Variants in PDE4D observed in about 807,000 individuals in gnomAD.
The protein encoded by PDE4D is 3',5'-cyclic-AMP phosphodiesterase 4D.
Under a neutral mutation model 87.4 loss-of-function variants are expected in PDE4D, and 24 were observed. The ratio of observed to expected loss-of-function variants is 0.27; its 90% CI spans 0.20 to 0.39. The LOEUF is 0.39. PDE4D is among the 10% of genes least tolerant of loss of function. PDE4D has a pLI of 1.00. For missense variants in PDE4D, 714 were observed against 1,041.0 expected (o/e 0.69, Z 4.32); for synonymous variants, 384 against 383.2 (o/e 1.00, Z -0.02).
At chr5:59,239,202 C>T (rs1261205109) in intron 1 of PDE4D, among the ~76,000 whole-genome samples, 1 of 152,186 alleles carries the variant, frequency 6.6e-6, no homozygotes, top group Non-Finnish European at 1.5e-5. Context: ...ATGCCTTCTC[C>T]TGAAGCTTCA....
At chr5:59,132,152 A>G (rs1421833612) in intron 5 of PDE4D, among the ~76,000 whole-genome samples, 2 of 152,312 alleles carry the variant, frequency 1.3e-5, no homozygotes, top group East Asian at 3.9e-4. Flanking sequence ...AAGTTTAATA[A>G]TATACATTAT....
chr5:60,148,961 G>A lies in PDE4D; in HGVS notation c.42+36596C>T, dbSNP rs185402479. Among the ~76,000 whole-genome samples, 397 of 152,284 alleles carry A rather than the reference G, an allele frequency of 2.6e-3. 3 individuals carry two copies. The highest frequency in any genetic ancestry group is 9.1e-3 in the African/African-American group (378 of 41,564). On this transcript the variant is annotated intron_variant, in intron 2 of 16. Coordinates refer to the PDE4D transcript ENST00000502484. The stretch of plus-strand genomic sequence containing the variant: ...ATTTTTTCAGGGCAAAGTAAAGGGA[G>A]ATGGAGGAATTCTGCTATGGAGAAC...
At chr5:59,624,694 G>T (rs954571241) in intron 1 of PDE4D, among the ~76,000 whole-genome samples, 3 of 152,172 alleles carry the variant, frequency 2.0e-5, no homozygotes, top group Non-Finnish European at 2.9e-5. Flanking sequence ...CAATTACATG[G>T]TTATTTCTTC....
intron 1 of PDE4D, among the ~76,000 whole-genome samples, chr5:59,879,591 C>T (rs150304882): frequency 1.2e-4 from 19 of 152,290 alleles, no homozygotes; most frequent in African/African-American, 4.3e-4. Flanking sequence ...TTTTCATAGG[C>T]AGATTTGTAT....
intron 1 of PDE4D, among the ~76,000 whole-genome samples, chr5:59,614,002 T>A (rs528923865): frequency 5.3e-5 from 8 of 152,236 alleles, no homozygotes; most frequent in East Asian, 3.9e-4. Flanking sequence ...TACAAAAAAA[T>A]TTTTCTATAA....
intron 1 of PDE4D, among the ~76,000 whole-genome samples, chr5:59,649,286 A>T (rs183698981): frequency 4.3e-4 from 66 of 152,342 alleles, no homozygotes; most frequent in African/African-American, 1.5e-3. Context: ...GAGGAAGAGA[A>T]TAAAACTCTT....
chr5:60,438,077 C>T (rs376709530), intron 1 of PDE4D, among the ~76,000 whole-genome samples: 2 of 152,124 alleles, frequency 1.3e-5, no homozygotes, highest in African/African-American at 2.4e-5. Flanking sequence ...ATAAATTTAA[C>T]AGATTTTAAA....
intron 1 of PDE4D, among the ~76,000 whole-genome samples, chr5:60,413,711 G>GTTTCT (rs1365101550): frequency 3.3e-5 from 4 of 122,324 alleles, no homozygotes; most frequent in Admixed American, 7.6e-5. Context: ...TTCTTTTTTC[G>GTTTCT]TTTATTTTTT....
chr5:59,924,381 G>T (rs941522111), intron 3 of PDE4D, among the ~76,000 whole-genome samples: 9 of 151,890 alleles, frequency 5.9e-5, no homozygotes, highest in African/African-American at 1.9e-4. Context: ...GTACAAGAAG[G>T]TTATAGAACA....
At chr5:59,410,498 C>T (rs1486048570) in intron 1 of PDE4D, among the ~76,000 whole-genome samples, 3 of 152,190 alleles carry the variant, frequency 2.0e-5, no homozygotes, top group African/African-American at 7.2e-5. Flanking sequence ...CTGCCTGCCT[C>T]AGCCTCCCAA....
chr5:60,344,763 G>A (rs920722781), intron 1 of PDE4D, among the ~76,000 whole-genome samples: 2 of 151,950 alleles, frequency 1.3e-5, no homozygotes, highest in Non-Finnish European at 2.9e-5. Flanking sequence ...AGATTTTTTA[G>A]AAAAACACTC....
rs564596661 is a variant in PDE4D, at chr5:60,043,737, C to T, written c.43-55020G>A. 3.1e-4 allele frequency among the ~76,000 whole-genome samples: 47 copies of T among 150,222 alleles called. No individual in the cohort carries two copies. The South Asian group carries it at 9.1e-3, about 29-fold the overall frequency. On this transcript the variant is annotated intron_variant, in intron 2 of 16. Coordinates refer to the PDE4D transcript ENST00000502484. ...ATTCCTTCTTGAAAGCTCTTCTTTT[C>T]TTTACGTAGATTTCAGTTTTTGACC...
chr5:59,022,840 CACTAAAT>C (rs1158339425), intron 6 of PDE4D, among the ~76,000 whole-genome samples: 2 of 152,182 alleles, frequency 1.3e-5, no homozygotes, highest in Non-Finnish European at 2.9e-5. Flanking sequence ...ATCTAGTGCT[CACTAAAT>C]ACATTTTTAA....
chr5:60,328,498 T>A (rs1224767899), intron 1 of PDE4D, among the ~76,000 whole-genome samples: 1 of 152,258 alleles, frequency 6.6e-6, no homozygotes, highest in South Asian at 2.1e-4. Context: ...AACTACTGTT[T>A]CATTTTCATT....
At chr5:60,501,878 G>C (rs1285703487) in intron 1 of PDE4D, among the ~76,000 whole-genome samples, 2 of 152,068 alleles carry the variant, frequency 1.3e-5, no homozygotes, top group African/African-American at 2.4e-5. Context: ...ATTTGTTCGA[G>C]TTCATTGTAG....
At chr5:60,017,190 G>A (rs1224682880) in intron 2 of PDE4D, among the ~76,000 whole-genome samples, 1 of 152,110 alleles carries the variant, frequency 6.6e-6, no homozygotes, top group African/African-American at 2.4e-5. Flanking sequence ...CTCAATAGTG[G>A]GCTTAAAATA....
At chr5:59,425,248 C>T (rs1484376476) in intron 1 of PDE4D, among the ~76,000 whole-genome samples, 1 of 152,010 alleles carries the variant, frequency 6.6e-6, no homozygotes, top group African/African-American at 2.4e-5. Context: ...TCATGAATAC[C>T]TAAAAAATAT....
chr5:59,863,043 G>A (rs991146522), intron 1 of PDE4D, among the ~76,000 whole-genome samples: 1 of 152,160 alleles, frequency 6.6e-6, no homozygotes, highest in Admixed American at 6.5e-5. Flanking sequence ...GTGTTCTTAA[G>A]GGATCCATGA....
chr5:60,442,491 G>A (rs902254064), intron 1 of PDE4D, among the ~76,000 whole-genome samples: 4 of 151,974 alleles, frequency 2.6e-5, no homozygotes, highest in South Asian at 2.1e-4. Context: ...TGTAGATGAC[G>A]GTTGATAGGT....
Sources: gnomAD v4.1 joint callset for allele counts (sites outside exome capture counted in the v4.1 genomes callset) on GRCh38, gnomAD v4.1.1 for gene constraint, MANE v1.5 for transcripts, NCBI Gene and HGNC (gene_info 2026-07-23, HGNC 2026-07-21) for gene names.